The following TMEM131 variants were observed in gnomAD, a reference collection of about 807,000 sequenced individuals.
TMEM131 encodes the protein transmembrane protein 131, also known as 2610524E03Rik.
A neutral mutation model predicts 211.6 loss-of-function variants in TMEM131; 66 were observed. The observed-to-expected ratio is 0.31, with a 90% CI of 0.26 to 0.38. The LOEUF (loss-of-function observed/expected upper bound fraction) is 0.38, where lower values mean the gene tolerates loss of function less well. Among genes scored for constraint, TMEM131 ranks in the 10% least tolerant of loss-of-function variants. The pLI is 1.00. For synonymous variants in TMEM131, 844 were observed against 841.3 expected, an observed-to-expected ratio of 1.00 and a Z score of -0.06; for missense variants, 2,036 against 2,299.3, an observed-to-expected ratio of 0.89 and a Z score of 2.34.
chr2:97,858,904 T>C (rs1247662700), intron 5 of TMEM131, among the ~76,000 whole-genome samples: 1 of 152,254 alleles, frequency 6.6e-6, no homozygotes, highest in Admixed American at 6.5e-5. Context: ...CCTGATACAC[T>C]GAACAAACAA....
chr2:97,986,018 A>C (rs1680012762), intron 1 of TMEM131, among the ~76,000 whole-genome samples: 2 of 152,158 alleles, frequency 1.3e-5, no homozygotes, highest in Admixed American at 1.3e-4. Flanking sequence ...TGCAAATAGA[A>C]ACTCAGAAAA....
At chr2:97,804,257 T>C (rs1292192670) in intron 22 of TMEM131, among the ~76,000 whole-genome samples, 1 of 152,168 alleles carries the variant, frequency 6.6e-6, no homozygotes, top group East Asian at 1.9e-4. Flanking sequence ...TGTTTTTGAA[T>C]CTGGGTGCAG....
In TMEM131 at chr2:97,793,517, C is replaced by T. The variant is rs750217613; in HGVS notation, c.3423G>A (p.Leu1141=). ...LFLLVIGTAY[L]EAQGIWEPFR... is the part of the protein sequence containing the mutation. ...ATGGCTCCCATATTCCTTGAGCTTC[C>T]AAATAGGCTGTTCCAATGACCAAAA... The change falls in exon 30 of 41, where the codon TTG becomes TTA. Residue 1141 remains leucine, a synonymous_variant. Coordinates refer to ENST00000186436, the MANE Select transcript of TMEM131 (RefSeq NM_015348.2). 4 of 1,613,668 alleles carry T rather than the reference C, an allele frequency of 2.5e-6. No individual in the cohort carries two copies. The highest frequency in any genetic ancestry group is 1.1e-5 in the South Asian group (1 of 91,022).
At chr2:97,865,364 T>G (rs756181874) in intron 4 of TMEM131, among the ~76,000 whole-genome samples, 2 of 152,250 alleles carry the variant, frequency 1.3e-5, no homozygotes, top group African/African-American at 2.4e-5. Context: ...TTGTTCTTGA[T>G]GTAGGGGGAA....
intron 1 of TMEM131, among the ~76,000 whole-genome samples, chr2:97,974,617 G>A (rs1049466010): frequency 6.6e-5 from 10 of 151,022 alleles, no homozygotes; most frequent in African/African-American, 2.4e-4. Context: ...AAAAAGACAT[G>A]TTATATACAG....
intron 3 of TMEM131, among the ~76,000 whole-genome samples, chr2:97,894,090 T>C (rs889718636): frequency 9.2e-5 from 14 of 152,250 alleles, no homozygotes; most frequent in African/African-American, 3.4e-4. Flanking sequence ...TTCAGTTTTC[T>C]GCATATGGCT....
chr2:97,809,877 A>G, intron 18 of TMEM131, 103 bp from the exon 19 acceptor site: 1 of 808,704 alleles, frequency 1.2e-6, no homozygotes, highest in Non-Finnish European at 2.1e-6. Flanking sequence ...TGGGACTAAT[A>G]TTGACAATAA....
At chr2:97,881,960 A>C (rs1213115617) in intron 4 of TMEM131, among the ~76,000 whole-genome samples, 1 of 152,202 alleles carries the variant, frequency 6.6e-6, no homozygotes, top group Non-Finnish European at 1.5e-5. Flanking sequence ...ATCTATTCTA[A>C]AATATCTGTT....
intron 1 of TMEM131, among the ~76,000 whole-genome samples, chr2:97,930,844 T>A (rs1184810703): frequency 6.6e-6 from 1 of 151,862 alleles, no homozygotes; most frequent in Non-Finnish European, 1.5e-5. Flanking sequence ...TTCCTGATGT[T>A]CCCTAGTTCA....
At chr2:97,980,612 A>G (rs1679745291) in intron 1 of TMEM131, among the ~76,000 whole-genome samples, 1 of 152,226 alleles carries the variant, frequency 6.6e-6, no homozygotes, top group Non-Finnish European at 1.5e-5. Context: ...ACAAAGACTT[A>G]CACATGAATG....
chr2:97,869,081 T>C (rs922846378), intron 4 of TMEM131, among the ~76,000 whole-genome samples: 2 of 152,196 alleles, frequency 1.3e-5, no homozygotes, highest in Non-Finnish European at 2.9e-5. Context: ...ATCCTGAAAG[T>C]TCACCAACTG....
intron 11 of TMEM131, among the ~76,000 whole-genome samples, chr2:97,831,968 T>G (rs1248047857): frequency 7.1e-6 from 1 of 141,232 alleles, no homozygotes; most frequent in African/African-American, 2.6e-5. Context: ...ATGCCTGGCC[T>G]ATTTTTGCAT....
chr2:97,867,484 C>T (rs1674319156), intron 4 of TMEM131, among the ~76,000 whole-genome samples: 1 of 152,074 alleles, frequency 6.6e-6, no homozygotes, highest in Non-Finnish European at 1.5e-5. Flanking sequence ...TCTGTGTTGT[C>T]TGATATGCTT....
At chr2:97,865,968 C>T (rs969902960) in intron 4 of TMEM131, among the ~76,000 whole-genome samples, 53 of 152,242 alleles carry the variant, frequency 3.5e-4, no homozygotes, top group Admixed American at 2.3e-3. Context: ...CTGCAAGCTC[C>T]GCCTCCTGGG....
intron 31 of TMEM131, among the ~76,000 whole-genome samples, chr2:97,784,496 C>A (rs900906373): frequency 6.6e-6 from 1 of 151,904 alleles, no homozygotes; most frequent in Non-Finnish European, 1.5e-5. Flanking sequence ...AAGCAACACA[C>A]TTCTAAATTA....
Position 97,908,669 on chromosome 2 carries a change from A to G in TMEM131, c.279T>C (p.Tyr93=). 1 of 1,606,556 alleles carries G rather than the reference A, an allele frequency of 6.2e-7. No homozygotes were observed. Among genetic ancestry groups the G allele is most frequent in the Non-Finnish European group, 8.5e-7 (1 of 1,174,434 alleles). ...QTETTLGLSS[Y]QQKSISLYRG... ...TTAAATATACTTACCTTTTCTGCTG[A>G]TATGAACTGAGTCCAAGTGTTGTCT... Residue 93 remains tyrosine, a synonymous_variant, in exon 3 of 41, where the codon TAT becomes TAC. Transcript: ENST00000186436.
Position 97,920,375 on chromosome 2 carries a change from G to A in TMEM131, c.249+7051C>T, listed in dbSNP as rs889074507. On this transcript the variant is annotated intron_variant, in intron 2 of 40. Coordinates refer to ENST00000186436, the MANE Select transcript of TMEM131 (RefSeq NM_015348.2). ...TTGAATGTTGTATTTCTGAGATGAG[G>A]AAAGTGTCAAAGAGGACTACTAAAT... Among the ~76,000 whole-genome samples, 3 of 152,140 alleles carry A rather than the reference G, an allele frequency of 2.0e-5. No individual in the cohort carries two copies. In the South Asian group the frequency reaches 6.2e-4, roughly 32 times the overall value.
rs1219911833 is a variant in TMEM131 at position 97,802,531 on chromosome 2, C to T, written c.2548G>A (p.Glu850Lys). The change falls in exon 24 of 41, where the codon GAG becomes AAG. Residue 850 changes from glutamate to lysine, a missense_variant. Coordinates refer to ENST00000186436, the MANE Select transcript of TMEM131 (RefSeq NM_015348.2). ...LTNTNCSSEE[E>K]ITLENPADVP... ...TCTGCAGGATTTTCTAAAGTAATCT[C>T]TTCTTCCTTAAACAAAATAATGAAA... 6.2e-7 allele frequency: 1 copy of T among 1,609,582 alleles called. No homozygotes were observed. The highest frequency in any genetic ancestry group is 1.3e-5 in the African/African-American group (1 of 74,720).
intron 4 of TMEM131, among the ~76,000 whole-genome samples, chr2:97,884,407 G>C (rs192978954): frequency 6.6e-6 from 1 of 152,254 alleles, no homozygotes; most frequent in Admixed American, 6.5e-5. Context: ...GCTTTTTGGT[G>C]AAATGTTCTG....
Sources: gnomAD v4.1 joint callset for allele counts (sites outside exome capture counted in the v4.1 genomes callset) on GRCh38, gnomAD v4.1.1 for gene constraint, MANE v1.5 for transcripts, NCBI Gene and HGNC (gene_info 2026-07-23, HGNC 2026-07-21) for gene names.